Variants in PAK1 observed in about 807,000 individuals in gnomAD.
PAK1 encodes serine/threonine-protein kinase PAK 1.
PAK1 carries 29 observed loss-of-function variants against 67.4 expected under a neutral mutation model. The observed-to-expected ratio is 0.43, with a 90% CI of 0.32 to 0.59. PAK1 has a LOEUF of 0.59. Ranked by LOEUF, PAK1 falls within the 20% of genes least tolerant of loss-of-function variation. PAK1 has a pLI of 0.07. For synonymous variants in PAK1, 223 were observed against 237.4 expected (o/e 0.94, Z 0.56); for missense variants, 337 against 670.7 (o/e 0.50, Z 5.50).
At chr11:77,368,167 A>G (rs866861473) in intron 5 of PAK1, among the ~76,000 whole-genome samples, 7 of 152,256 alleles carry the variant, frequency 4.6e-5, no homozygotes, top group South Asian at 2.1e-4. Context: ...AAATAGGAAT[A>G]TAATTGTGAA....
intron 5 of PAK1, among the ~76,000 whole-genome samples, chr11:77,365,490 A>T (rs113531548): frequency 0.032 from 4,902 of 152,028 alleles, 134 homozygotes; most frequent in African/African-American, 0.074. Flanking sequence ...AAAACATTAA[A>T]CTACAGATCC....
chr11:77,393,275 T>TAA (rs34684010), intron 1 of PAK1, among the ~76,000 whole-genome samples: 5 of 132,124 alleles, frequency 3.8e-5, no homozygotes, highest in South Asian at 2.4e-4. Flanking sequence ...CCTTGTTCTT[T>TAA]AAAAAAAAAA....
At chr11:77,357,753 G>A (rs1490736254) in intron 6 of PAK1, among the ~76,000 whole-genome samples, 1 of 152,216 alleles carries the variant, frequency 6.6e-6, no homozygotes, top group East Asian at 1.9e-4. Flanking sequence ...GAAATGCTAT[G>A]AAGATCAATT....
intron 5 of PAK1, among the ~76,000 whole-genome samples, chr11:77,366,563 T>G (rs1321837857): frequency 2.6e-5 from 4 of 152,200 alleles, no homozygotes; most frequent in Admixed American, 2.6e-4. Context: ...TAATGTGAAG[T>G]AGATTGTATA....
chr11:77,361,238 C>T (rs561775662), intron 5 of PAK1, among the ~76,000 whole-genome samples: 2 of 152,264 alleles, frequency 1.3e-5, no homozygotes, highest in African/African-American at 4.8e-5. Flanking sequence ...GCAAGCCTCT[C>T]TAATAAAATG....
At position 77,323,259 on chromosome 11, in the gene PAK1, G is replaced by A. The variant is rs750199788; in HGVS notation, c.*15C>T. ...ACAGAAGGCTTGGCACAATGAGGCT[G>A]GGGTGAGTGTGGTTTTAGTGATTGT... On this transcript the variant is annotated 3_prime_UTR_variant, in exon 15 of 15. Transcript: ENST00000356341. The A allele has an allele frequency of 1.2e-6, 2 of 1,613,490 alleles. No homozygotes were observed. Among genetic ancestry groups the A allele is most frequent in the South Asian group, 2.2e-5 (2 of 91,068 alleles).
chr11:77,446,818 A>G (rs180998971), intron 1 of PAK1, among the ~76,000 whole-genome samples: 24 of 151,968 alleles, frequency 1.6e-4, no homozygotes, highest in Non-Finnish European at 2.4e-4. Flanking sequence ...AATAAAGAGA[A>G]TGGGTGAGGG....
At chr11:77,426,074 G>A (rs1488841489) in intron 1 of PAK1, among the ~76,000 whole-genome samples, 1 of 145,174 alleles carries the variant, frequency 6.9e-6, no homozygotes, top group Non-Finnish European at 1.5e-5. Flanking sequence ...TCAATTGAAG[G>A]CCTCTTTTTT....
chr11:77,362,431 G>C (rs969242750), intron 5 of PAK1, among the ~76,000 whole-genome samples: 1 of 140,112 alleles, frequency 7.1e-6, no homozygotes, highest in South Asian at 2.1e-4. Context: ...CAATATCACT[G>C]GCTACTTTAT....
intron 2 of PAK1, among the ~76,000 whole-genome samples, chr11:77,383,954 G>T (rs1950153023): frequency 6.6e-6 from 1 of 152,106 alleles, no homozygotes; most frequent in Non-Finnish European, 1.5e-5. Context: ...TAACTCACTG[G>T]GTGACCCAGG....
chr11:77,410,113 C>T (rs975911784), intron 1 of PAK1, among the ~76,000 whole-genome samples: 4 of 152,174 alleles, frequency 2.6e-5, no homozygotes, highest in African/African-American at 9.7e-5. Context: ...CCCTGCTATC[C>T]TCCCTCTTCT....
the PAK1 span, among the ~76,000 whole-genome samples, chr11:77,508,293 T>G: frequency 6.6e-6 from 1 of 152,198 alleles, no homozygotes; most frequent in Non-Finnish European, 1.5e-5. Flanking sequence ...TATAAAATGT[T>G]TATTGATTAC....
chr11:77,516,288 G>A, the PAK1 span, among the ~76,000 whole-genome samples: 1 of 152,140 alleles, frequency 6.6e-6, no homozygotes. Flanking sequence ...GTGTAATGAA[G>A]CTATACAATG....
intron 14 of PAK1, among the ~76,000 whole-genome samples, chr11:77,328,255 G>T (rs1940542598): frequency 6.6e-6 from 1 of 152,114 alleles, no homozygotes; most frequent in Admixed American, 6.5e-5. Context: ...GGATACCCAG[G>T]AATTGAACTC....
the PAK1 span, among the ~76,000 whole-genome samples, chr11:77,521,744 A>C: frequency 5.9e-5 from 9 of 152,188 alleles, no homozygotes. Context: ...TTACTTTCCC[A>C]AAAAGGAAAC....
the PAK1 span, among the ~76,000 whole-genome samples, chr11:77,524,366 C>T: frequency 2.6e-5 from 4 of 152,180 alleles, no homozygotes; most frequent in African/African-American, 4.8e-5. Flanking sequence ...GTGTGCACTC[C>T]ACTGGGGTAG....
At chr11:77,376,753 A>T (rs1949143697) in intron 4 of PAK1, among the ~76,000 whole-genome samples, 1 of 151,908 alleles carries the variant, frequency 6.6e-6, no homozygotes, top group African/African-American at 2.4e-5. Context: ...AAAAAAAAAA[A>T]AATTAAGTGT....
At chr11:77,365,129 G>A (rs1947323004) in intron 5 of PAK1, among the ~76,000 whole-genome samples, 1 of 151,694 alleles carries the variant, frequency 6.6e-6, no homozygotes, top group Non-Finnish European at 1.5e-5. Context: ...GCACGTGCCT[G>A]TTGTCCCAGT....
At chr11:77,412,560 C>A (rs1304824708) in intron 1 of PAK1, among the ~76,000 whole-genome samples, 1 of 152,082 alleles carries the variant, frequency 6.6e-6, no homozygotes. Context: ...TCCCAAGTAG[C>A]TGGGACTACA....
Sources: allele counts gnomAD v4.1 joint callset (sites outside exome capture counted in the v4.1 genomes callset), GRCh38; gene constraint gnomAD v4.1.1; transcripts MANE v1.5; gene names NCBI Gene and HGNC (gene_info 2026-07-23, HGNC 2026-07-21).